The following PDE7A variants were observed in gnomAD, a reference collection of about 807,000 sequenced individuals.
PDE7A encodes the protein phosphodiesterase 7A.
PDE7A carries 39 observed loss-of-function variants against 64.3 expected under a neutral mutation model. That is an observed-to-expected ratio of 0.61 (90% CI 0.47 to 0.79). The LOEUF (loss-of-function observed/expected upper bound fraction) is 0.79. Ranked by LOEUF, PDE7A falls within the 30% of genes least tolerant of loss-of-function variation. The pLI, the probability that PDE7A is intolerant of heterozygous loss-of-function variation, is 0.00. For missense variants in PDE7A, 470 were observed against 582.8 expected (o/e 0.81, Z 1.99); for synonymous variants, 203 against 206.8 (o/e 0.98, Z 0.16).
intron 1 of PDE7A, among the ~76,000 whole-genome samples, chr8:65,837,168 C>T (rs1810968494): frequency 6.6e-6 from 1 of 152,192 alleles, no homozygotes; most frequent in South Asian, 2.1e-4. Context: ...TTGAACTATT[C>T]TCGCACTCAC....
At chr8:65,798,041 A>G (rs1809884418) in intron 1 of PDE7A, among the ~76,000 whole-genome samples, 1 of 150,290 alleles carries the variant, frequency 6.7e-6, no homozygotes, top group Non-Finnish European at 1.5e-5. Context: ...TGTTCTTCAA[A>G]ACACAGTGTT....
intron 1 of PDE7A, among the ~76,000 whole-genome samples, chr8:65,794,368 G>A (rs1159384448): frequency 6.6e-6 from 1 of 151,588 alleles, no homozygotes; most frequent in Non-Finnish European, 1.5e-5. Context: ...TGGCAACTAA[G>A]TGGTTACAGT....
chr8:65,819,304 G>T (rs1296482068), intron 1 of PDE7A, among the ~76,000 whole-genome samples: 4 of 152,196 alleles, frequency 2.6e-5, no homozygotes, highest in Admixed American at 2.6e-4. Flanking sequence ...GGCTGAGGAG[G>T]GAGGATCACT....
At chr8:65,784,831 A>T (rs57016390) in intron 1 of PDE7A, among the ~76,000 whole-genome samples, 10,400 of 152,214 alleles carry the variant, frequency 0.068, 611 homozygotes, top group African/African-American at 0.16. Context: ...GGTTAAAAAA[A>T]ATATAAAAAA....
intron 3 of PDE7A, among the ~76,000 whole-genome samples, chr8:65,749,176 A>G (rs1807819786): frequency 6.6e-6 from 1 of 152,220 alleles, no homozygotes; most frequent in Non-Finnish European, 1.5e-5. Flanking sequence ...CTGATATTAT[A>G]ATTAGTTTTT....
chr8:65,734,869 A>G lies in PDE7A; in HGVS notation c.621T>C (p.Ser207=), dbSNP rs1190410418. The change falls in exon 7 of 13, where the codon AGT becomes AGC. Residue 207 remains serine (S), a synonymous_variant. Transcript: ENST00000401827. ...GGACTGCGTTATGGTAAGGATTTTGACTGTGGTAATCTTCTTGAATCATAA... is the reference window on the plus strand; with the variant it reads ...GGACTGCGTTATGGTAAGGATTTTGGCTGTGGTAATCTTCTTGAATCATAA... ...FLVMIQEDYH[S]QNPYHNAVHA... is the part of the protein sequence containing the mutation. The G allele has an allele frequency of 1.2e-6, 2 of 1,610,926 alleles. No homozygotes were observed. Among genetic ancestry groups the G allele is most frequent in the Admixed American group, 1.7e-5 (1 of 60,012 alleles).
chr8:65,769,714 A>G (rs1321090434), intron 3 of PDE7A, among the ~76,000 whole-genome samples: 1 of 152,004 alleles, frequency 6.6e-6, no homozygotes, highest in Admixed American at 6.5e-5. Context: ...TGGCCAACAT[A>G]GTGAAACCCC....
rs145090325 is a variant in PDE7A, at chr8:65,775,754, A to C, written c.283+3966T>G. Among the ~76,000 whole-genome samples, 386 of 152,228 alleles carry C rather than the reference A, an allele frequency of 2.5e-3. 1 individual carries two copies. The highest frequency in any genetic ancestry group is 8.7e-3 in the African/African-American group (360 of 41,530). On this transcript the variant is annotated intron_variant, in intron 3 of 12. Coordinates refer to ENST00000401827, the MANE Select transcript of PDE7A (RefSeq NM_001242318.3). ...GTGATTCTCCTGCCTCAGCCTCCTGAGTGGCTGGGATTACAGGCACGCACC... is the reference window on the plus strand; with the variant it reads ...GTGATTCTCCTGCCTCAGCCTCCTGCGTGGCTGGGATTACAGGCACGCACC...
intron 10 of PDE7A, 113 bp downstream of exon 10, chr8:65,724,664 A>G (rs1585826271): frequency 1.1e-6 from 1 of 911,762 alleles, no homozygotes; most frequent in East Asian, 2.6e-5. Context: ...GAAATTCTTT[A>G]GCTTGCCCTC....
intron 1 of PDE7A, among the ~76,000 whole-genome samples, chr8:65,840,585 A>G (rs1811057109): frequency 6.6e-6 from 1 of 152,262 alleles, no homozygotes; most frequent in South Asian, 2.1e-4. Flanking sequence ...GATGTAAACA[A>G]AATTCTTTTC....
intron 1 of PDE7A, among the ~76,000 whole-genome samples, chr8:65,798,205 TA>T (rs148137694): frequency 0.49 from 34,266 of 69,686 alleles, 5,894 homozygotes; most frequent in Admixed American, 0.54. Context: ...TATATATATA[TA>T]TTTTTTTTTT....
In PDE7A at chr8:65,726,955, T is replaced by C; in HGVS notation, c.840A>G (p.Val280=). 1 of 1,588,970 alleles carries C rather than the reference T, an allele frequency of 6.3e-7. No homozygotes were observed. Among genetic ancestry groups the C allele is most frequent in the Non-Finnish European group, 8.6e-7 (1 of 1,157,838 alleles). Residue 280 remains valine, a synonymous_variant, in exon 9 of 13, where the codon GTA becomes GTG. Coordinates refer to ENST00000401827, the MANE Select transcript of PDE7A (RefSeq NM_001242318.3). ...YLATLYKNTS[V]LENHHWRSAV... is the part of the protein sequence containing the mutation. The stretch of plus-strand genomic sequence containing the variant: ...CAGATCTCCAGTGGTGATTTTCCAG[T>C]ACTGAGGTATTCTACAACAAAGGAC...
chr8:65,827,753 T>C (rs1001034033), intron 1 of PDE7A, among the ~76,000 whole-genome samples: 3 of 152,224 alleles, frequency 2.0e-5, no homozygotes, highest in African/African-American at 7.2e-5. Flanking sequence ...GTTTGCAGCC[T>C]AGAAGCAATA....
chr8:65,808,824 C>T (rs1367530681), intron 1 of PDE7A, among the ~76,000 whole-genome samples: 1 of 152,066 alleles, frequency 6.6e-6, no homozygotes, highest in African/African-American at 2.4e-5. Flanking sequence ...AGGAAGGTAG[C>T]ACTAGTTCTT....
In PDE7A at chr8:65,779,822, A is replaced by G; in HGVS notation, c.200-19T>C. 6.7e-7 allele frequency: 1 copy of G among 1,499,562 alleles called. No homozygotes were observed. The highest frequency in any genetic ancestry group is 9.2e-7 in the Non-Finnish European group (1 of 1,088,794). The allele number at this position is 1,499,562 out of a possible 1,614,324, so 92.9% of individuals were successfully genotyped here. On this transcript the variant is annotated intron_variant, in intron 2 of 12. Transcript: ENST00000401827. ...ACATCTCCTGGACAGAATCAAGAAT[A>G]AAACATAAGTTTAGAAGGTTGTCAT...
Position 65,735,708 on chromosome 8 carries a change from G to A in PDE7A, c.596-814C>T, listed in dbSNP as rs1251058951. On this transcript the variant is annotated intron_variant, in intron 6 of 12. Transcript: ENST00000401827. The stretch of plus-strand genomic sequence containing the variant: ...GCATGATCTCAGCTAACTGTGCAAC[G>A]CCCACCTCCTGAGTTCAAGTGATCC... 4.6e-5 allele frequency among the ~76,000 whole-genome samples: 7 copies of A among 152,120 alleles called. No homozygotes were observed. The South Asian group carries it at 6.2e-4, about 14-fold the overall frequency.
intron 1 of PDE7A, among the ~76,000 whole-genome samples, chr8:65,802,270 A>G (rs919310068): frequency 6.6e-6 from 1 of 152,248 alleles, no homozygotes; most frequent in African/African-American, 2.4e-5. Context: ...TCACTGCACA[A>G]CACTGTGAAT....
At chr8:65,756,769 A>G (rs905368685) in intron 3 of PDE7A, among the ~76,000 whole-genome samples, 1 of 151,654 alleles carries the variant, frequency 6.6e-6, no homozygotes, top group African/African-American at 2.4e-5. Flanking sequence ...TTTATATCAA[A>G]TTCTTTTTTT....
intron 3 of PDE7A, among the ~76,000 whole-genome samples, chr8:65,768,922 T>C (rs1808934885): frequency 6.6e-6 from 1 of 152,058 alleles, no homozygotes; most frequent in Non-Finnish European, 1.5e-5. Context: ...TCTGAGGAAA[T>C]TTTTTTATTC....
Sources: gnomAD v4.1 joint callset for allele counts (sites outside exome capture counted in the v4.1 genomes callset) on GRCh38, gnomAD v4.1.1 for gene constraint, MANE v1.5 for transcripts, NCBI Gene and HGNC (gene_info 2026-07-23, HGNC 2026-07-21) for gene names.